Variants in NREP observed in about 807,000 individuals in gnomAD.
NREP encodes neuronal regeneration-related protein.
A neutral mutation model predicts 8.6 loss-of-function variants in NREP; 5 were observed. The observed-to-expected ratio is 0.58, with a 90% CI of 0.30 to 1.22. The LOEUF is 1.22. NREP is among the 50% of genes most tolerant of loss of function. The probability of loss-of-function intolerance (pLI) is 0.07; values close to 1 mark genes in which losing one functional copy is unlikely to be tolerated. For synonymous variants in NREP, 27 were observed against 28.0 expected (o/e 0.96, Z 0.11); for missense variants, 86 against 82.5 (o/e 1.04, Z -0.17).
At chr5:111,933,412 AT>A (rs1349354906) in intron 2 of NREP, among the ~76,000 whole-genome samples, 1 of 152,076 alleles carries the variant, frequency 6.6e-6, no homozygotes, top group African/African-American at 2.4e-5. Context: ...TTATGGAATA[AT>A]TTTTCAGTGG....
intron 2 of NREP, chr5:111,846,584 A>G (rs1411362895): frequency 6.6e-6 from 1 of 151,854 alleles, no homozygotes; most frequent in Non-Finnish European, 1.5e-5. Flanking sequence ...GCATCTTGGT[A>G]GCAAGGAGGG....
At chr5:111,773,313 T>G (rs1208490863) in intron 2 of NREP, among the ~76,000 whole-genome samples, 2 of 152,118 alleles carry the variant, frequency 1.3e-5, no homozygotes, top group Non-Finnish European at 2.9e-5. Flanking sequence ...TAAAAACTAA[T>G]AAACACCTAC....
rs78917552 is a variant in NREP, at chr5:111,833,353, A to G, written c.136-97846T>C. On this transcript the variant is annotated intron_variant, in intron 2 of 3. Transcript: ENST00000395634. ...TTTCTGACTTTACCTAAACTGATCAATGATACTACTTTAGCGCCAAAAGGC... is the reference window on the plus strand; with the variant it reads ...TTTCTGACTTTACCTAAACTGATCAGTGATACTACTTTAGCGCCAAAAGGC... 3.8e-4 allele frequency among the ~76,000 whole-genome samples: 58 copies of G among 152,340 alleles called. No individual in the cohort carries two copies. The East Asian group carries it at 7.5e-3, about 20-fold the overall frequency.
chr5:111,730,742 A>G lies in NREP; in HGVS notation c.*179T>C. ...TCTGAGCGTTTTCACTTGAGTCAGA[A>G]TGATTAAAAACTGGTTTGATGACAC... On this transcript the variant is annotated 3_prime_UTR_variant, in exon 4 of 4. Transcript: ENST00000257435. The G allele has an allele frequency of 1.5e-6, 1 of 673,892 alleles. No homozygotes were observed. The highest frequency in any genetic ancestry group is 2.4e-6 in the Non-Finnish European group (1 of 409,006). 41.7% of individuals were successfully genotyped at this position (673,892 alleles called of 1,614,324 possible). A position where few individuals can be genotyped will look rare whatever the true frequency, so the allele number is the denominator to read the frequency against.
At chr5:111,940,063 T>G (rs913969094) in intron 2 of NREP, 2 of 152,000 alleles carry the variant, frequency 1.3e-5, no homozygotes, top group Non-Finnish European at 2.9e-5. Context: ...AAGAATCAAG[T>G]GTACATCCCA....
At chr5:111,932,706 G>T (rs1193990503) in intron 2 of NREP, among the ~76,000 whole-genome samples, 1 of 151,946 alleles carries the variant, frequency 6.6e-6, no homozygotes, top group Non-Finnish European at 1.5e-5. Flanking sequence ...CTTAAATATT[G>T]ATATCTGGTA....
intron 2 of NREP, among the ~76,000 whole-genome samples, chr5:111,904,948 C>T (rs141117422): frequency 4.3e-4 from 65 of 152,142 alleles, no homozygotes; most frequent in African/African-American, 1.6e-3. Flanking sequence ...TCCATTTGTC[C>T]TCCCTAGTAA....
At chr5:111,737,155 C>T (rs906022780) in intron 2 of NREP, among the ~76,000 whole-genome samples, 4 of 152,162 alleles carry the variant, frequency 2.6e-5, no homozygotes. Context: ...AGAAAGTAAT[C>T]CACCATCTGC....
chr5:111,851,365 A>G (rs574309117), intron 2 of NREP, among the ~76,000 whole-genome samples: 1 of 152,330 alleles, frequency 6.6e-6, no homozygotes, highest in East Asian at 1.9e-4. Flanking sequence ...CAACAGTAAA[A>G]TACATATGCC....
intron 2 of NREP, among the ~76,000 whole-genome samples, chr5:111,781,152 TC>T (rs370901460): frequency 6.6e-5 from 10 of 152,214 alleles, no homozygotes; most frequent in African/African-American, 2.4e-4. Flanking sequence ...CCTCCCACCC[TC>T]CACTTCTGAT....
intron 2 of NREP, among the ~76,000 whole-genome samples, chr5:111,844,189 T>C (rs1306844500): frequency 6.6e-6 from 1 of 152,164 alleles, no homozygotes; most frequent in Non-Finnish European, 1.5e-5. Flanking sequence ...ACTGTGGAAA[T>C]CCAAAATAAG....
At chr5:111,813,533 CTATA>C (rs1752315793) in intron 2 of NREP, among the ~76,000 whole-genome samples, 1 of 151,912 alleles carries the variant, frequency 6.6e-6, no homozygotes, top group Non-Finnish European at 1.5e-5. Context: ...CCAGATCCTC[CTATA>C]TATTTTTTCT....
intron 2 of NREP, among the ~76,000 whole-genome samples, chr5:111,922,485 C>T (rs1227721205): frequency 2.6e-5 from 4 of 152,116 alleles, no homozygotes; most frequent in Non-Finnish European, 4.4e-5. Flanking sequence ...GTACTGAGTG[C>T]CCCTTGATTT....
At chr5:111,740,918 T>C (rs1457187675) in intron 2 of NREP, among the ~76,000 whole-genome samples, 1 of 152,174 alleles carries the variant, frequency 6.6e-6, no homozygotes, top group African/African-American at 2.4e-5. Context: ...GGGGAGACTG[T>C]TCTATGAGAA....
chr5:111,766,993 G>T (rs972645622), intron 2 of NREP, among the ~76,000 whole-genome samples: 2 of 151,990 alleles, frequency 1.3e-5, no homozygotes, highest in South Asian at 2.1e-4. Context: ...AATTCTTTTT[G>T]TCTACTTTTC....
intron 2 of NREP, among the ~76,000 whole-genome samples, chr5:111,908,306 AG>A (rs1754825249): frequency 1.3e-5 from 2 of 151,974 alleles, no homozygotes; most frequent in African/African-American, 4.8e-5. Context: ...TTTTTGATTC[AG>A]GGGGTATATG....
chr5:111,953,783 G>C (rs978197848), intron 2 of NREP, among the ~76,000 whole-genome samples: 2 of 152,084 alleles, frequency 1.3e-5, no homozygotes, highest in Non-Finnish European at 2.9e-5. Flanking sequence ...ACAAATAACA[G>C]TGAAAGGGGA....
chr5:111,770,659 C>T (rs575392684), intron 2 of NREP, among the ~76,000 whole-genome samples: 1 of 149,588 alleles, frequency 6.7e-6, no homozygotes, highest in Non-Finnish European at 1.5e-5. Flanking sequence ...CAGCCTCCCC[C>T]TCCCAGGCTG....
intron 2 of NREP, among the ~76,000 whole-genome samples, chr5:111,957,480 T>C (rs980357140): frequency 6.6e-5 from 10 of 151,878 alleles, no homozygotes; most frequent in African/African-American, 2.2e-4. Flanking sequence ...ATAATACCTA[T>C]CTTATATGAA....
Sources: allele counts gnomAD v4.1 joint callset (sites outside exome capture counted in the v4.1 genomes callset), GRCh38; gene constraint gnomAD v4.1.1; transcripts MANE v1.5; gene names NCBI Gene and HGNC (gene_info 2026-07-23, HGNC 2026-07-21).